ROBO2: variants seen among roughly 807,000 people sequenced by gnomAD.
The protein encoded by ROBO2 is roundabout homolog 2.
Under a neutral mutation model 160.8 loss-of-function variants are expected in ROBO2, and 53 were observed. The observed-to-expected ratio is 0.33, with a 90% CI of 0.26 to 0.41. The LOEUF (loss-of-function observed/expected upper bound fraction) is 0.41, where lower values mean the gene tolerates loss of function less well. Among genes scored for constraint, ROBO2 ranks in the 10% least tolerant of loss-of-function variants. ROBO2 has a pLI of 1.00. For synonymous variants in ROBO2, 664 were observed against 611.7 expected, an observed-to-expected ratio of 1.09 and a Z score of -1.26; for missense variants, 1,577 against 1,722.4, an observed-to-expected ratio of 0.92 and a Z score of 1.49.
At chr3:76,960,299 A>C (rs1328501246) in intron 2 of ROBO2, among the ~76,000 whole-genome samples, 2 of 152,142 alleles carry the variant, frequency 1.3e-5, no homozygotes, top group Non-Finnish European at 2.9e-5. Context: ...CTCAATATTC[A>C]GAAGAAAGTT....
chr3:77,489,309 T>G (rs192319786), intron 4 of ROBO2, among the ~76,000 whole-genome samples: 1 of 152,270 alleles, frequency 6.6e-6, no homozygotes, highest in East Asian at 1.9e-4. Flanking sequence ...AATGTCAGAC[T>G]TCCAAAAATT....
chr3:76,117,968 G>A (rs1359286996), intron 2 of ROBO2, among the ~76,000 whole-genome samples: 1 of 151,950 alleles, frequency 6.6e-6, no homozygotes, highest in African/African-American at 2.4e-5. Flanking sequence ...ATACAGGAAG[G>A]GGAACATCAC....
chr3:77,488,792 G>A (rs768836963), intron 4 of ROBO2, among the ~76,000 whole-genome samples: 6 of 152,086 alleles, frequency 3.9e-5, no homozygotes, highest in Admixed American at 2.0e-4. Context: ...CAGATCCAAC[G>A]CATTTGAAAT....
chr3:76,818,934 A>T (rs1388649615), intron 2 of ROBO2, among the ~76,000 whole-genome samples: 1 of 152,018 alleles, frequency 6.6e-6, no homozygotes, highest in African/African-American at 2.4e-5. Flanking sequence ...TGCTTTGGCT[A>T]TGTGGGCTCT....
intron 2 of ROBO2, among the ~76,000 whole-genome samples, chr3:76,313,604 T>A (rs902498754): frequency 6.6e-6 from 1 of 152,156 alleles, no homozygotes; most frequent in South Asian, 2.1e-4. Context: ...TTTTAAAGGT[T>A]ACTTTACTCT....
At chr3:76,522,652 T>C (rs1309035741) in intron 2 of ROBO2, among the ~76,000 whole-genome samples, 3 of 152,148 alleles carry the variant, frequency 2.0e-5, no homozygotes, top group African/African-American at 4.8e-5. Flanking sequence ...TCCTGGAATA[T>C]CGAACTAAGA....
chr3:76,691,475 T>TA lies in ROBO2; in HGVS notation c.110-406530dup, dbSNP rs968291772. ...AAACGGATCAAAAATAGGTGGAAGCTAAAAAAAAATTAAATGGGCAAAGGA... is the reference window on the plus strand; with the variant it reads ...AAACGGATCAAAAATAGGTGGAAGCTAAAAAAAAAATTAAATGGGCAAAGGA... On this transcript the variant is annotated intron_variant, in intron 2 of 26. Coordinates refer to the ROBO2 transcript ENST00000487694. Among the ~76,000 whole-genome samples, 11 of 149,706 alleles carry TA rather than the reference T, an allele frequency of 7.3e-5. No individual in the cohort carries two copies. The South Asian group carries it at 8.5e-4, about 12-fold the overall frequency.
At chr3:75,964,228 T>A (rs2107302750) in intron 2 of ROBO2, among the ~76,000 whole-genome samples, 1 of 151,888 alleles carries the variant, frequency 6.6e-6, no homozygotes, top group Non-Finnish European at 1.5e-5. Flanking sequence ...ATGATAATTT[T>A]TTACATTTCA....
chr3:77,647,692 C>T (rs1432440341), exon 26 of ROBO2: 13 of 152,012 alleles, frequency 8.6e-5, no homozygotes, highest in Admixed American at 5.9e-4. Flanking sequence ...CCATGGGTTT[C>T]CTACACAATC....
chr3:76,823,252 A>G (rs191414407), intron 2 of ROBO2, among the ~76,000 whole-genome samples: 1 of 152,192 alleles, frequency 6.6e-6, no homozygotes, highest in Non-Finnish European at 1.5e-5. Flanking sequence ...TCATTTTCTG[A>G]ATTTATTGAC....
rs190327783 is a variant in ROBO2, at chr3:76,813,819, A to C, written c.110-284195A>C. Among the ~76,000 whole-genome samples the C allele has an allele frequency of 2.0e-5, 3 of 152,238 alleles. No homozygotes were observed. In the East Asian group the frequency reaches 5.8e-4, roughly 29 times the overall value. ...AAAGGAGAAATGCTTTAAGTTCTTG[A>C]TGAGAAAGCTATTTGTACTGATTTT... On this transcript the variant is annotated intron_variant, in intron 2 of 26. Coordinates refer to the ROBO2 transcript ENST00000487694.
intron 2 of ROBO2, among the ~76,000 whole-genome samples, chr3:76,652,124 A>G (rs2091282050): frequency 6.6e-6 from 1 of 152,212 alleles, no homozygotes; most frequent in Admixed American, 6.5e-5. Flanking sequence ...GTAAAAGACT[A>G]TGCTCTCATT....
intron 21 of ROBO2, among the ~76,000 whole-genome samples, chr3:77,610,733 C>A (rs2094612839): frequency 2.0e-5 from 1 of 51,252 alleles, no homozygotes; most frequent in East Asian, 6.5e-4. Context: ...ATTTCCCTGG[C>A]CAAAGACCAA....
At chr3:77,546,677 A>G (rs1277921036) in intron 7 of ROBO2, among the ~76,000 whole-genome samples, 1 of 152,120 alleles carries the variant, frequency 6.6e-6, no homozygotes, top group Non-Finnish European at 1.5e-5. Flanking sequence ...TCTGTCTCTT[A>G]CATAGAACAG....
At chr3:76,881,497 T>C (rs1230946237) in intron 2 of ROBO2, among the ~76,000 whole-genome samples, 1 of 152,132 alleles carries the variant, frequency 6.6e-6, no homozygotes, top group Non-Finnish European at 1.5e-5. Flanking sequence ...CTACATTGCA[T>C]TGTCAGACTA....
chr3:76,778,173 A>G (rs2062401706), intron 2 of ROBO2, among the ~76,000 whole-genome samples: 1 of 151,104 alleles, frequency 6.6e-6, no homozygotes, highest in Non-Finnish European at 1.5e-5. Context: ...TTGTAGAGAC[A>G]TTGGAGGCCA....
chr3:77,213,454 T>C (rs1235983878), intron 2 of ROBO2, among the ~76,000 whole-genome samples: 1 of 152,186 alleles, frequency 6.6e-6, no homozygotes. Context: ...TTGCATCTAT[T>C]TGATTCTTCT....
At chr3:77,393,689 A>G (rs1385487764) in intron 2 of ROBO2, among the ~76,000 whole-genome samples, 2 of 151,050 alleles carry the variant, frequency 1.3e-5, no homozygotes, top group African/African-American at 2.4e-5. Flanking sequence ...TATTTATATA[A>G]AGTTTATTAA....
intron 2 of ROBO2, among the ~76,000 whole-genome samples, chr3:77,330,146 A>G (rs1159808246): frequency 2.6e-5 from 4 of 152,200 alleles, no homozygotes; most frequent in Non-Finnish European, 5.9e-5. Context: ...GTCCATACAA[A>G]TTCTCTGTGT....
Sources: gnomAD v4.1 joint callset for allele counts (sites outside exome capture counted in the v4.1 genomes callset) on GRCh38, gnomAD v4.1.1 for gene constraint, MANE v1.5 for transcripts, NCBI Gene and HGNC (gene_info 2026-07-23, HGNC 2026-07-21) for gene names.